Variants in XRCC4 observed in about 807,000 individuals in gnomAD.
XRCC4 encodes the protein X-ray repair cross complementing 4.
XRCC4 carries 28 observed loss-of-function variants against 39.1 expected under a neutral mutation model. The observed-to-expected ratio is 0.72, with a 90% CI of 0.53 to 0.98. XRCC4 has a LOEUF of 0.98. XRCC4 is among the 50% of genes least tolerant of loss of function. The pLI, the probability that XRCC4 is intolerant of heterozygous loss-of-function variation, is 0.00. For synonymous variants in XRCC4, 123 were observed against 126.4 expected (o/e 0.97, Z 0.18); for missense variants, 350 against 376.4 (o/e 0.93, Z 0.58).
At chr5:83,181,591 A>G (rs535881324) in intron 3 of XRCC4, among the ~76,000 whole-genome samples, 1 of 152,300 alleles carries the variant, frequency 6.6e-6, no homozygotes, top group Admixed American at 6.5e-5. Flanking sequence ...TCTATATTAA[A>G]CAAGGTTCAA....
chr5:83,123,377 C>T (rs1011977483), intron 3 of XRCC4, among the ~76,000 whole-genome samples: 9 of 151,998 alleles, frequency 5.9e-5, no homozygotes, highest in East Asian at 5.8e-4. Context: ...TTGGAATCCA[C>T]GTGGAATATT....
chr5:83,204,001 A>G (rs553280458), intron 5 of XRCC4, among the ~76,000 whole-genome samples: 2 of 152,246 alleles, frequency 1.3e-5, no homozygotes, highest in East Asian at 3.9e-4. Context: ...TTAAAAAAAA[A>G]CTTTCATCTG....
At chr5:83,134,019 G>A (rs1292153904) in intron 3 of XRCC4, among the ~76,000 whole-genome samples, 4 of 152,218 alleles carry the variant, frequency 2.6e-5, no homozygotes, top group East Asian at 3.9e-4. Context: ...AGGTGAGCAC[G>A]GGCTGGGCAA....
At chr5:83,249,577 A>T (rs1417503026) in intron 6 of XRCC4, among the ~76,000 whole-genome samples, 2 of 152,156 alleles carry the variant, frequency 1.3e-5, no homozygotes, top group Non-Finnish European at 2.9e-5. Context: ...GAGTTTTCTG[A>T]GATTAAGCAT....
chr5:83,323,636 G>A (rs1386588080), intron 7 of XRCC4, among the ~76,000 whole-genome samples: 2 of 151,486 alleles, frequency 1.3e-5, no homozygotes, highest in African/African-American at 4.9e-5. Context: ...TTTTGGCCAA[G>A]TGCAAAATAA....
At chr5:83,164,398 A>G (rs1285967795) in intron 3 of XRCC4, among the ~76,000 whole-genome samples, 1 of 152,190 alleles carries the variant, frequency 6.6e-6, no homozygotes, top group Non-Finnish European at 1.5e-5. Context: ...CATTACTAAA[A>G]TCAAAAACAA....
chr5:83,153,964 G>A (rs1302557813), intron 3 of XRCC4, among the ~76,000 whole-genome samples: 1 of 152,128 alleles, frequency 6.6e-6, no homozygotes, highest in Non-Finnish European at 1.5e-5. Context: ...GAAATATATG[G>A]TACTTCAGCC....
chr5:83,265,486 G>C (rs1480412397), intron 7 of XRCC4, among the ~76,000 whole-genome samples: 1 of 152,122 alleles, frequency 6.6e-6, no homozygotes, highest in Non-Finnish European at 1.5e-5. Context: ...TTTGATTAAT[G>C]GCCCCTTGGC....
chr5:83,188,967 A>C (rs1182052980), intron 3 of XRCC4, among the ~76,000 whole-genome samples: 2 of 152,178 alleles, frequency 1.3e-5, no homozygotes, highest in African/African-American at 2.4e-5. Flanking sequence ...TCAAATCTGT[A>C]TTTCTTCATC....
intron 7 of XRCC4, among the ~76,000 whole-genome samples, chr5:83,332,529 G>C (rs559675614): frequency 6.6e-6 from 1 of 152,252 alleles, no homozygotes; most frequent in East Asian, 1.9e-4. Flanking sequence ...TCAAGATGGT[G>C]ATGTTAATGA....
intron 3 of XRCC4, among the ~76,000 whole-genome samples, chr5:83,144,552 A>ACCCCCCC (rs70973381): frequency 2.6e-5 from 1 of 38,718 alleles, no homozygotes; most frequent in African/African-American, 8.9e-5. Flanking sequence ...GTGTCTCCCC[A>ACCCCCCC]CCCCCCCCCC....
chr5:83,304,737 A>G (rs1214108722), intron 7 of XRCC4, among the ~76,000 whole-genome samples: 2 of 149,896 alleles, frequency 1.3e-5, no homozygotes, highest in Non-Finnish European at 3.0e-5. Flanking sequence ...TGATTTTTTC[A>G]TAAGTTTAAT....
At chr5:83,294,566 T>C (rs1755031028) in intron 7 of XRCC4, among the ~76,000 whole-genome samples, 1 of 152,088 alleles carries the variant, frequency 6.6e-6, no homozygotes, top group East Asian at 1.9e-4. Context: ...GTGTGTCTTA[T>C]GAGAATTATG....
At chr5:83,116,927 T>C (rs1267203154) in intron 3 of XRCC4, among the ~76,000 whole-genome samples, 1 of 152,092 alleles carries the variant, frequency 6.6e-6, no homozygotes, top group Non-Finnish European at 1.5e-5. Context: ...CAGCCAGAAT[T>C]ACCAATTTCT....
chr5:83,209,941 C>G (rs1454491110), intron 6 of XRCC4, among the ~76,000 whole-genome samples: 1 of 152,114 alleles, frequency 6.6e-6, no homozygotes. Flanking sequence ...AATCCTGCTT[C>G]TTAACCAACA....
At chr5:83,188,274 T>C (rs74930058) in intron 3 of XRCC4, among the ~76,000 whole-genome samples, 2,211 of 152,170 alleles carry the variant, frequency 0.015, 63 homozygotes, top group African/African-American at 0.051. Flanking sequence ...ACTGGCACAG[T>C]TGAGTTCCTT....
chr5:83,223,615 A>C (rs1752172347), intron 6 of XRCC4, among the ~76,000 whole-genome samples: 1 of 151,036 alleles, frequency 6.6e-6, no homozygotes, highest in Non-Finnish European at 1.5e-5. Flanking sequence ...AGTCTGTATG[A>C]CCTTACAGAT....
At chr5:83,234,229 G>A (rs950184853) in intron 6 of XRCC4, among the ~76,000 whole-genome samples, 1 of 152,000 alleles carries the variant, frequency 6.6e-6, no homozygotes, top group Non-Finnish European at 1.5e-5. Flanking sequence ...GCTGTCTGAT[G>A]GAAGTATATT....
chr5:83,139,717 A>G (rs993812223), intron 3 of XRCC4, among the ~76,000 whole-genome samples: 12 of 152,330 alleles, frequency 7.9e-5, no homozygotes, highest in African/African-American at 2.9e-4. Context: ...ACAAACCCAT[A>G]CAGCATGTTG....
Sources: gnomAD v4.1 joint callset for allele counts (sites outside exome capture counted in the v4.1 genomes callset) on GRCh38, gnomAD v4.1.1 for gene constraint, MANE v1.5 for transcripts, NCBI Gene and HGNC (gene_info 2026-07-23, HGNC 2026-07-21) for gene names.